RIMS4: variants seen among roughly 807,000 people sequenced by gnomAD.
The protein encoded by RIMS4 is regulating synaptic membrane exocytosis 4, also known as regulating synaptic membrane exocytosis protein 4.
Under a neutral mutation model 29.0 loss-of-function variants are expected in RIMS4, and 9 were observed. That is an observed-to-expected ratio of 0.31 (90% CI 0.19 to 0.54). The LOEUF is 0.54. RIMS4 is among the 20% of genes least tolerant of loss of function. The pLI is 0.94. For missense variants in RIMS4, 193 were observed against 365.7 expected, an observed-to-expected ratio of 0.53 and a Z score of 3.85; for synonymous variants, 130 against 152.9, an observed-to-expected ratio of 0.85 and a Z score of 1.10.
At chr20:44,768,025 A>C (rs2066121192) in intron 2 of RIMS4, among the ~76,000 whole-genome samples, 1 of 152,334 alleles carries the variant, frequency 6.6e-6, no homozygotes, top group East Asian at 1.9e-4. Flanking sequence ...CAAGGGCTGA[A>C]GCCATTGTCC....
chr20:44,783,852 C>T (rs767277139), intron 1 of RIMS4, among the ~76,000 whole-genome samples: 7 of 152,074 alleles, frequency 4.6e-5, no homozygotes, highest in South Asian at 2.1e-4. Context: ...TGAATGCTCA[C>T]GGGTATAGGG....
In RIMS4 at chr20:44,758,063, G is replaced by A. The variant is rs371333637; in HGVS notation, c.349+9C>T. ...CTAGTCCATTTGAAACCAGCCTTGG[G>A]GCACTCACCCATGGGTGTGGTGGCC... On this transcript the variant is annotated intron_variant, in intron 3 of 5. Transcript: ENST00000372851. 10 of 1,586,388 alleles carry A rather than the reference G, an allele frequency of 6.3e-6. No homozygotes were observed. The African/African-American group carries it at 1.1e-4, about 17-fold the overall frequency.
rs776382754 is a variant in RIMS4, at chr20:44,756,874, C to T, written c.591+24G>A. Reference sequence around the variant, plus strand: ...ATGTGTGCTCGTGCACACACACACACGTGAGCGCGTCAATGCCCCTCACCT... The same window carrying T: ...ATGTGTGCTCGTGCACACACACACATGTGAGCGCGTCAATGCCCCTCACCT... On this transcript the variant is annotated intron_variant, in intron 5 of 5. Transcript: ENST00000372851. The surrounding 1 kb of genome is among the most constrained non-coding windows in gnomAD (Gnocchi z 5.9). 51 of 1,610,646 alleles carry T rather than the reference C, an allele frequency of 3.2e-5. No homozygotes were observed. Among genetic ancestry groups the T allele is most frequent in the Non-Finnish European group, 3.7e-5 (44 of 1,178,106 alleles).
At chr20:44,800,204 A>G (rs533200106) in intron 1 of RIMS4, among the ~76,000 whole-genome samples, 1 of 152,318 alleles carries the variant, frequency 6.6e-6, no homozygotes, top group East Asian at 1.9e-4. Flanking sequence ...TAAGTGCTTA[A>G]TAAGAATTTA....
intron 1 of RIMS4, among the ~76,000 whole-genome samples, chr20:44,791,320 T>C (rs527950495): frequency 1.3e-5 from 2 of 152,354 alleles, no homozygotes; most frequent in East Asian, 3.9e-4. Flanking sequence ...TGGGTGCACA[T>C]AGCATATACG....
At chr20:44,783,333 C>A (rs529705679) in intron 1 of RIMS4, among the ~76,000 whole-genome samples, 2 of 152,320 alleles carry the variant, frequency 1.3e-5, no homozygotes, top group East Asian at 3.9e-4. Flanking sequence ...AAAAAGCATG[C>A]AGTACTGGGC....
At chr20:44,804,586 C>G (rs2066290358) in intron 1 of RIMS4, among the ~76,000 whole-genome samples, 1 of 152,204 alleles carries the variant, frequency 6.6e-6, no homozygotes, top group African/African-American at 2.4e-5. Context: ...GTCCCTCAGA[C>G]AGACAAGAGG....
intron 1 of RIMS4, among the ~76,000 whole-genome samples, chr20:44,776,591 A>G (rs1304680778): frequency 1.3e-5 from 2 of 152,202 alleles, no homozygotes; most frequent in African/African-American, 2.4e-5. Context: ...CAGTTTCTTC[A>G]TCATATAATA....
In RIMS4 at chr20:44,778,298, C is replaced by T. The variant is rs138176408; in HGVS notation, c.98-6885G>A. ...AAGAGATGGTTTCATCTGGAGGGAA[C>T]TTAGGGATCATCCAGATCAATGCCT... On this transcript the variant is annotated intron_variant, in intron 1 of 5. Coordinates refer to ENST00000372851, the MANE Select transcript of RIMS4 (RefSeq NM_182970.4). Among the ~76,000 whole-genome samples the T allele has an allele frequency of 8.2e-4, 125 of 152,328 alleles. 1 individual carries two copies. Among genetic ancestry groups the T allele is most frequent in the African/African-American group, 2.7e-3 (112 of 41,576 alleles).
intron 1 of RIMS4, among the ~76,000 whole-genome samples, chr20:44,778,278 AT>A (rs1299438147): frequency 2.0e-5 from 3 of 152,150 alleles, no homozygotes; most frequent in Non-Finnish European, 2.9e-5. Context: ...AAAATAAGAG[AT>A]GGTTTCATCT....
At chr20:44,796,192 C>T (rs1361184506) in intron 1 of RIMS4, among the ~76,000 whole-genome samples, 2 of 151,338 alleles carry the variant, frequency 1.3e-5, no homozygotes, top group African/African-American at 4.9e-5. Context: ...GTCAGTTCTC[C>T]CTGCTATGGC....
intron 1 of RIMS4, among the ~76,000 whole-genome samples, chr20:44,776,491 C>A (rs971862347): frequency 6.6e-6 from 1 of 152,168 alleles, no homozygotes; most frequent in Non-Finnish European, 1.5e-5. Context: ...CTGGTTCTCA[C>A]TCCTCTCCTT....
chr20:44,773,030 G>A (rs78986564), intron 1 of RIMS4, among the ~76,000 whole-genome samples: 2 of 45,418 alleles, frequency 4.4e-5, no homozygotes, highest in Admixed American at 2.0e-4. Context: ...TGTCTCCCAC[G>A]TGTCTTTGTT....
At chr20:44,797,161 C>T (rs1258485889) in intron 1 of RIMS4, among the ~76,000 whole-genome samples, 1 of 152,204 alleles carries the variant, frequency 6.6e-6, no homozygotes, top group Non-Finnish European at 1.5e-5. Flanking sequence ...ATAACTAAAG[C>T]GCGTGTTCTA....
chr20:44,794,846 A>G (rs2066247851), intron 1 of RIMS4, among the ~76,000 whole-genome samples: 1 of 152,206 alleles, frequency 6.6e-6, no homozygotes, highest in African/African-American at 2.4e-5. Flanking sequence ...GAGAGCCACT[A>G]TAACCAAAGG....
chr20:44,764,215 C>CATCCATCCATTT (rs1601021532), intron 2 of RIMS4, among the ~76,000 whole-genome samples: 8 of 122,838 alleles, frequency 6.5e-5, no homozygotes, highest in African/African-American at 2.8e-4. Context: ...TCCATCCACC[C>CATCCATCCATTT]ATCCATCCAT....
At chr20:44,759,583 T>C (rs1399053024) in intron 2 of RIMS4, among the ~76,000 whole-genome samples, 2 of 152,208 alleles carry the variant, frequency 1.3e-5, no homozygotes, top group Non-Finnish European at 2.9e-5. Flanking sequence ...TTGATCTTTA[T>C]CACCATCTTT....
intron 1 of RIMS4, among the ~76,000 whole-genome samples, chr20:44,798,483 C>T (rs777453642): frequency 5.5e-4 from 83 of 152,174 alleles, no homozygotes; most frequent in Non-Finnish European, 7.5e-4. Context: ...CTGAGCACAC[C>T]CACTCTCCCC....
At chr20:44,796,643 C>T (rs1248637149) in intron 1 of RIMS4, among the ~76,000 whole-genome samples, 3 of 152,298 alleles carry the variant, frequency 2.0e-5, no homozygotes, top group Admixed American at 1.3e-4. Context: ...GTCACCTCCA[C>T]CCTAGAGAAG....
Sources: gnomAD v4.1 joint callset for allele counts (sites outside exome capture counted in the v4.1 genomes callset) on GRCh38, gnomAD v4.1.1 for gene constraint, Gnocchi (gnomAD v3.1) non-coding constraint, MANE v1.5 for transcripts, NCBI Gene and HGNC (gene_info 2026-07-23, HGNC 2026-07-21) for gene names.